The following AFF2 variants were observed in gnomAD, a reference collection of about 807,000 sequenced individuals.
AFF2 encodes the protein AF4/FMR2 family member 2.
AFF2 carries 14 observed loss-of-function variants against 76.9 expected under a neutral mutation model. The ratio of observed to expected loss-of-function variants is 0.18; its 90% CI spans 0.12 to 0.28. The LOEUF (loss-of-function observed/expected upper bound fraction) is 0.28. Ranked by LOEUF, AFF2 falls within the 10% of genes least tolerant of loss-of-function variation. The pLI, the probability that AFF2 is intolerant of heterozygous loss-of-function variation, is 1.00. For synonymous variants in AFF2, 398 were observed against 366.7 expected (o/e 1.09, Z -0.98); for missense variants, 868 against 1,001.1 (o/e 0.87, Z 1.79).
At chrX:148,875,225 T>G (rs2071022767) in intron 7 of AFF2, among the ~76,000 whole-genome samples, 1 of 112,317 alleles carries the variant, frequency 8.9e-6, no homozygotes, top group African/African-American at 3.2e-5. Flanking sequence ...CCTCATTTTG[T>G]TAAAACAATA....
chrX:148,665,330 C>G (rs1557258340), intron 3 of AFF2, among the ~76,000 whole-genome samples: 1 of 112,054 alleles, frequency 8.9e-6, no homozygotes, highest in Non-Finnish European at 1.9e-5. Flanking sequence ...CAGGAGCAGC[C>G]TATGTGCTTG....
intron 4 of AFF2, among the ~76,000 whole-genome samples, chrX:148,832,184 G>A (rs2070462878): frequency 8.9e-6 from 1 of 111,784 alleles, no homozygotes; most frequent in Non-Finnish European, 1.9e-5. Context: ...CTGAAGGAAG[G>A]AAGGAGGGAG....
At chrX:148,857,972 C>T (rs1331818745) in intron 7 of AFF2, among the ~76,000 whole-genome samples, 5 of 111,533 alleles carry the variant, frequency 4.5e-5, no homozygotes, top group African/African-American at 1.6e-4. Context: ...GATGATAAGG[C>T]AGTTCATTAT....
intron 7 of AFF2, among the ~76,000 whole-genome samples, chrX:148,877,769 G>A (rs1260516578): frequency 8.9e-6 from 1 of 112,005 alleles, no homozygotes; most frequent in Non-Finnish European, 1.9e-5. Flanking sequence ...TGCCCCCATT[G>A]AGTTTAATGT....
intron 7 of AFF2, among the ~76,000 whole-genome samples, chrX:148,869,817 T>C (rs2070950932): frequency 9.0e-6 from 1 of 111,679 alleles, no homozygotes; most frequent in South Asian, 3.7e-4. Flanking sequence ...CCTCCCTCCT[T>C]GGCTTGTAGA....
In AFF2 at chrX:148,634,976, G is replaced by C. The variant is rs181190822; in HGVS notation, c.48-17023G>C. ...TCAGGAAGAATTTTGAAGCCCTACT[G>C]TATGTCATGTAATGGTTTGAGGCAC... On this transcript the variant is annotated intron_variant, in intron 1 of 20. Transcript: ENST00000370460. Among the ~76,000 whole-genome samples, 3 of 111,613 alleles carry C rather than the reference G, an allele frequency of 2.7e-5. No homozygotes were observed. In the East Asian group the frequency reaches 8.5e-4, roughly 32 times the overall value.
intron 1 of AFF2, among the ~76,000 whole-genome samples, chrX:148,627,659 T>C (rs1167969377): frequency 3.6e-5 from 4 of 112,037 alleles, no homozygotes; most frequent in African/African-American, 6.5e-5. Context: ...GTAGATTTCA[T>C]AGATGGATGA....
At position 148,662,029 on chromosome X, in the gene AFF2, C is replaced by A; in HGVS notation, c.302C>A (p.Ser101Tyr). Residue 101 changes from serine to tyrosine, a missense_variant, in exon 3 of 21, where the codon TCT becomes TAT. This residue lies in a region of AFF2 where 196 missense variants were observed against 194.8 expected (regional missense o/e 1.01). Transcript: ENST00000370460. Reference sequence around the variant, plus strand: ...CACCTAGTGGGAATTCCAAAGAATTCTGTGCCCCAGAATCCCAACAACAAA... The same window carrying A: ...CACCTAGTGGGAATTCCAAAGAATTATGTGCCCCAGAATCCCAACAACAAA... ...QNHLVGIPKN[S>Y]VPQNPNNKNE... 1 of 1,210,990 alleles carries A rather than the reference C, an allele frequency of 8.3e-7. No individual in the cohort carries two copies. Among genetic ancestry groups the A allele is most frequent in the Non-Finnish European group, 1.1e-6 (1 of 894,774 alleles).
At chrX:148,523,223 A>G (rs1263341487) in intron 1 of AFF2, among the ~76,000 whole-genome samples, 3 of 112,196 alleles carry the variant, frequency 2.7e-5, no homozygotes, top group African/African-American at 9.7e-5. Context: ...GATTAAATTT[A>G]TTTATTTTCA....
intron 9 of AFF2, among the ~76,000 whole-genome samples, chrX:148,926,877 C>T (rs2071657023): frequency 8.9e-6 from 1 of 112,144 alleles, no homozygotes; most frequent in African/African-American, 3.2e-5. Context: ...ATGGAAAAAA[C>T]AGCTTATGAA....
At chrX:148,541,082 C>T (rs1426234302) in intron 1 of AFF2, among the ~76,000 whole-genome samples, 1 of 112,295 alleles carries the variant, frequency 8.9e-6, no homozygotes, top group Non-Finnish European at 1.9e-5. Context: ...TATGACATTG[C>T]AGATTTGACA....
chrX:148,601,357 T>C, intron 1 of AFF2, among the ~76,000 whole-genome samples: 1 of 112,159 alleles, frequency 8.9e-6, no homozygotes, highest in Admixed American at 9.5e-5. Context: ...CTAAAATATC[T>C]CACAGTCGGA....
chrX:148,924,463 A>G (rs1163124382), intron 9 of AFF2, among the ~76,000 whole-genome samples: 1 of 112,296 alleles, frequency 8.9e-6, no homozygotes, highest in African/African-American at 3.2e-5. Flanking sequence ...ATGCAGATGA[A>G]CAATGCTAGA....
intron 3 of AFF2, among the ~76,000 whole-genome samples, chrX:148,706,566 T>A (rs782670065): frequency 1.2e-4 from 13 of 112,712 alleles, no homozygotes; most frequent in Middle Eastern, 4.2e-3. Context: ...CCTGTGTGAT[T>A]CCTTTTCCAG....
intron 9 of AFF2, among the ~76,000 whole-genome samples, chrX:148,912,647 CTG>C (rs1337456101): frequency 8.9e-6 from 1 of 112,274 alleles, no homozygotes; most frequent in Non-Finnish European, 1.9e-5. Context: ...AATGAATTGA[CTG>C]TAAATGCTTA....
intron 1 of AFF2, among the ~76,000 whole-genome samples, chrX:148,587,741 A>C (rs1412269123): frequency 8.9e-6 from 1 of 112,464 alleles, no homozygotes; most frequent in Non-Finnish European, 1.9e-5. Context: ...ATGAGACAGA[A>C]AATCCAGAGT....
At chrX:148,581,152 T>TATGTGTATATGTATATATACAC in intron 1 of AFF2, among the ~76,000 whole-genome samples, 1 of 57,030 alleles carries the variant, frequency 1.8e-5, no homozygotes, top group Admixed American at 2.7e-4. Flanking sequence ...CACATATACA[T>TATGTGTATATGTATATATACAC]ATACGTATAC....
chrX:148,907,714 C>T (rs1305776048), intron 9 of AFF2, among the ~76,000 whole-genome samples: 4 of 111,410 alleles, frequency 3.6e-5, no homozygotes, highest in South Asian at 3.8e-4. Flanking sequence ...ACCACAGGAC[C>T]GGGGCAAAAT....
At chrX:148,713,609 C>G (rs1326676594) in intron 3 of AFF2, among the ~76,000 whole-genome samples, 2 of 111,823 alleles carry the variant, frequency 1.8e-5, no homozygotes, top group African/African-American at 3.3e-5. Context: ...AAATTATGTT[C>G]CAAAACCACT....
Sources: gnomAD v4.1 joint callset for allele counts (sites outside exome capture counted in the v4.1 genomes callset) on GRCh38, gnomAD v4.1.1 for gene constraint, gnomAD v4.1.1 regional missense constraint, MANE v1.5 for transcripts, NCBI Gene and HGNC (gene_info 2026-07-23, HGNC 2026-07-21) for gene names.